The following MAD1L1 variants were observed in gnomAD, a reference collection of about 807,000 sequenced individuals.
MAD1L1 encodes mitotic arrest deficient 1 like 1.
In MAD1L1, 95 loss-of-function variants were observed where a neutral mutation model predicts 96.9. The observed-to-expected ratio is 0.98, with a 90% CI of 0.83 to 1.16. The LOEUF is 1.16. Ranked by LOEUF, MAD1L1 falls within the 50% of genes most tolerant of loss-of-function variation. The pLI, the probability that MAD1L1 is intolerant of heterozygous loss-of-function variation, is 0.00. For synonymous variants in MAD1L1, 473 were observed against 396.6 expected (o/e 1.19, Z -2.29); for missense variants, 1,007 against 954.4 (o/e 1.06, Z -0.73).
Position 1,911,696 on chromosome 7 carries a change from C to A in MAD1L1, c.1808-13306G>T, listed in dbSNP as rs568146777. Reference sequence around the variant, plus strand: ...AGTCCGGCGTCACCTCCAGAACAGGCCCCTCTTGGGCATCCCAACCGTCTC... The same window carrying A: ...AGTCCGGCGTCACCTCCAGAACAGGACCCTCTTGGGCATCCCAACCGTCTC... On this transcript the variant is annotated intron_variant, in intron 17 of 18. Coordinates refer to ENST00000265854, the MANE Select transcript of MAD1L1 (RefSeq NM_001013836.2). 2.6e-4 allele frequency among the ~76,000 whole-genome samples: 40 copies of A among 152,034 alleles called. No homozygotes were observed. The South Asian group carries it at 7.7e-3, about 29-fold the overall frequency.
intron 12 of MAD1L1, among the ~76,000 whole-genome samples, chr7:2,033,127 C>T (rs62444889): frequency 0.025 from 3,878 of 152,378 alleles, 80 homozygotes; most frequent in Non-Finnish European, 0.04. Flanking sequence ...GCACCCCACT[C>T]ATACACTCGC....
intron 12 of MAD1L1, among the ~76,000 whole-genome samples, chr7:2,050,875 G>T (rs1784137948): frequency 6.6e-6 from 1 of 152,196 alleles, no homozygotes; most frequent in Non-Finnish European, 1.5e-5. Context: ...CCTAGAGAGG[G>T]TTCAGACACC....
At chr7:1,923,292 G>C (rs1189335394) in intron 17 of MAD1L1, among the ~76,000 whole-genome samples, 4 of 152,202 alleles carry the variant, frequency 2.6e-5, no homozygotes, top group Non-Finnish European at 5.9e-5. Flanking sequence ...GTTTGCCCTG[G>C]TGCTACCCAG....
chr7:1,953,636 C>T (rs1476104723), intron 16 of MAD1L1, among the ~76,000 whole-genome samples: 4 of 152,270 alleles, frequency 2.6e-5, no homozygotes, highest in East Asian at 1.9e-4. Context: ...AGTGGCGCGG[C>T]GGCTGGGCGA....
chr7:2,230,195 C>G, intron 2 of MAD1L1, 52 bp from the exon 3 acceptor site: 1 of 1,471,786 alleles, frequency 6.8e-7, no homozygotes, highest in South Asian at 1.3e-5. Flanking sequence ...CACGTGCCAT[C>G]AGCCGTGCAG....
intron 15 of MAD1L1, among the ~76,000 whole-genome samples, chr7:1,963,991 CCT>C (rs1185112401): frequency 6.6e-6 from 1 of 152,190 alleles, no homozygotes; most frequent in African/African-American, 2.4e-5. Flanking sequence ...CAAACAACCC[CCT>C]CAGTCTTCAC....
intron 11 of MAD1L1, among the ~76,000 whole-genome samples, chr7:2,124,465 C>G (rs904783340): frequency 6.6e-6 from 1 of 152,340 alleles, no homozygotes; most frequent in East Asian, 1.9e-4. Flanking sequence ...TGCCTGCTAC[C>G]AGGGCTAGTG....
intron 10 of MAD1L1, among the ~76,000 whole-genome samples, chr7:2,162,006 G>A (rs1790168953): frequency 2.0e-5 from 3 of 149,998 alleles, no homozygotes; most frequent in Admixed American, 2.0e-4. Context: ...GGAGGTGGGG[G>A]GCGGCCCCTG....
intron 17 of MAD1L1, among the ~76,000 whole-genome samples, chr7:1,922,642 C>G (rs1218272517): frequency 6.6e-6 from 1 of 152,212 alleles, no homozygotes; most frequent in Non-Finnish European, 1.5e-5. Flanking sequence ...ACCTCCTCAC[C>G]CTGCTGCCCA....
In MAD1L1 at chr7:1,983,069, C is replaced by G. The variant is rs181687071; in HGVS notation, c.1417-2528G>C. Among the ~76,000 whole-genome samples the G allele has an allele frequency of 1.3e-3, 193 of 152,234 alleles. 1 individual carries two copies. Among genetic ancestry groups the G allele is most frequent in the Admixed American group, 0.011 (170 of 15,298 alleles). On this transcript the variant is annotated intron_variant, in intron 14 of 18. Coordinates refer to ENST00000265854, the MANE Select transcript of MAD1L1 (RefSeq NM_001013836.2). Reference sequence around the variant, plus strand: ...CACTCGTGACATGTTAACAATGACACTGATACACGTATGCGCGTGCATGCA... The same window carrying G: ...CACTCGTGACATGTTAACAATGACAGTGATACACGTATGCGCGTGCATGCA...
intron 12 of MAD1L1, among the ~76,000 whole-genome samples, chr7:2,048,920 A>G (rs1350836848): frequency 6.6e-6 from 1 of 152,190 alleles, no homozygotes; most frequent in Non-Finnish European, 1.5e-5. Flanking sequence ...CGCGTCAACC[A>G]TGCTGCCATT....
intron 10 of MAD1L1, among the ~76,000 whole-genome samples, chr7:2,159,895 A>G (rs1790019397): frequency 6.6e-6 from 1 of 152,206 alleles, no homozygotes; most frequent in South Asian, 2.1e-4. Context: ...GTGTGCAGAA[A>G]AGTCAAAACC....
intron 11 of MAD1L1, among the ~76,000 whole-genome samples, chr7:2,069,926 A>G (rs530979721): frequency 1.3e-5 from 2 of 152,280 alleles, no homozygotes; most frequent in South Asian, 2.1e-4. Flanking sequence ...TTTTCCCTGC[A>G]TGGTCCCCAC....
chr7:1,864,447 A>G (rs1007114188), intron 18 of MAD1L1, among the ~76,000 whole-genome samples: 7 of 152,190 alleles, frequency 4.6e-5, no homozygotes, highest in African/African-American at 1.7e-4. Context: ...TGGATGGGTC[A>G]TTATCCAAAT....
At chr7:2,209,079 G>C (rs1792750886) in intron 10 of MAD1L1, among the ~76,000 whole-genome samples, 1 of 152,176 alleles carries the variant, frequency 6.6e-6, no homozygotes, top group Non-Finnish European at 1.5e-5. Flanking sequence ...TGACTTCAAA[G>C]TCGTAGAAAC....
intron 10 of MAD1L1, among the ~76,000 whole-genome samples, chr7:2,211,508 G>A (rs570751417): frequency 1.1e-4 from 16 of 152,362 alleles, no homozygotes; most frequent in South Asian, 8.3e-4. Flanking sequence ...CATCAGGCAC[G>A]TGGGGGCCTC....
chr7:1,850,547 C>T (rs1177626224), intron 18 of MAD1L1, among the ~76,000 whole-genome samples: 1 of 152,202 alleles, frequency 6.6e-6, no homozygotes, highest in Non-Finnish European at 1.5e-5. Context: ...ATCTCACTGC[C>T]CCGAGCCTGT....
chr7:1,964,906 G>C (rs1327826904), intron 15 of MAD1L1, among the ~76,000 whole-genome samples: 2 of 152,232 alleles, frequency 1.3e-5, no homozygotes, highest in African/African-American at 2.4e-5. Flanking sequence ...GGGGACAGTA[G>C]GGAGACCCGA....
intron 10 of MAD1L1, among the ~76,000 whole-genome samples, chr7:2,198,323 T>C (rs1353862015): frequency 6.6e-6 from 1 of 152,136 alleles, no homozygotes. Flanking sequence ...CCAGGCCGGC[T>C]GCCTGCTCTC....
Sources: gnomAD v4.1 joint callset for allele counts (sites outside exome capture counted in the v4.1 genomes callset) on GRCh38, gnomAD v4.1.1 for gene constraint, MANE v1.5 for transcripts, NCBI Gene and HGNC (gene_info 2026-07-23, HGNC 2026-07-21) for gene names.